Variants in SVEP1 observed in about 807,000 individuals in gnomAD.
The protein encoded by SVEP1 is sushi, von Willebrand factor type A, EGF and pentraxin domain-containing protein 1.
In SVEP1, 164 loss-of-function variants were observed where a neutral mutation model predicts 367.3. That is an observed-to-expected ratio of 0.45 (90% CI 0.39 to 0.51). The LOEUF (loss-of-function observed/expected upper bound fraction) is 0.51, where lower values mean the gene tolerates loss of function less well. Among genes scored for constraint, SVEP1 ranks in the 20% least tolerant of loss-of-function variants. The pLI, the probability that SVEP1 is intolerant of heterozygous loss-of-function variation, is 0.00. For synonymous variants in SVEP1, 1,666 were observed against 1,611.6 expected (o/e 1.03, Z -0.81); for missense variants, 4,117 against 4,425.3 (o/e 0.93, Z 1.98).
rs866674190 is a variant in SVEP1 at position 110,496,850 on chromosome 9, G to T, written c.1765C>A (p.Gln589Lys). The change falls in exon 8 of 48, where the codon CAG becomes AAG. Residue 589 changes from glutamine (Q) to lysine (K), a missense_variant. Physicochemically the swap from Gln to Lys is moderately conservative, Grantham distance 53 (BLOSUM62 1). Transcript: ENST00000374469. ...GAGTTGTCTTTAGCTGTTGGAATCT[G>T]CCAGGTAACATTGGCAGAATCTTGC... ...EQQDSANVTW[Q>K]IPTAKDNSGE... The T allele has an allele frequency of 3.2e-6, 5 of 1,557,814 alleles. No homozygotes were observed. Among genetic ancestry groups the T allele is most frequent in the Non-Finnish European group, 4.4e-6 (5 of 1,149,368 alleles).
At chr9:110,552,627 C>T (rs1830304575) in intron 1 of SVEP1, among the ~76,000 whole-genome samples, 1 of 151,938 alleles carries the variant, frequency 6.6e-6, no homozygotes, top group African/African-American at 2.4e-5. Flanking sequence ...ACTTAGATCC[C>T]TCGCATACAG....
chr9:110,408,225 G>A lies in SVEP1; in HGVS notation c.7375C>T (p.Leu2459Phe), dbSNP rs1234882836. 6.2e-7 allele frequency: 1 copy of A among 1,614,028 alleles called. No individual in the cohort carries two copies. The highest frequency in any genetic ancestry group is 8.5e-7 in the Non-Finnish European group (1 of 1,179,898). Residue 2459 changes from leucine (L) to phenylalanine (F), a missense_variant, in exon 38 of 48, where the codon CTC becomes TTC. Physicochemically the swap from Leu to Phe is conservative, Grantham distance 22 (BLOSUM62 0). This residue lies in a region of SVEP1 where 1,765 missense variants were observed against 1,781.1 expected (regional missense o/e 0.99). Transcript: ENST00000374469. ...TTGCAGGTATAGAGAGCTGTGCTGA[G>A]ATAGGCAAGGCCTTGCACATCAATG... ...GIIDVQGLAY[L>F]STALYTCKPG... is the part of the protein sequence containing the mutation.
At chr9:110,392,831 G>T (rs577321867) in intron 40 of SVEP1, among the ~76,000 whole-genome samples, 101 of 152,208 alleles carry the variant, frequency 6.6e-4, no homozygotes, top group Admixed American at 1.4e-3. Context: ...ATGCTAAAAT[G>T]GTCTCATCTT....
At chr9:110,477,648 A>G (rs970782345) in intron 13 of SVEP1, among the ~76,000 whole-genome samples, 1 of 152,028 alleles carries the variant, frequency 6.6e-6, no homozygotes, top group African/African-American at 2.4e-5. Flanking sequence ...TTCCATCCCC[A>G]TGAGTACCCA....
intron 26 of SVEP1, among the ~76,000 whole-genome samples, chr9:110,445,312 T>C (rs957833850): frequency 6.6e-6 from 1 of 152,184 alleles, no homozygotes; most frequent in African/African-American, 2.4e-5. Context: ...GATGGGGCCC[T>C]GGAGTTGGAA....
At chr9:110,375,786 A>ATTTATTATAGTTTCAAATTTCC in intron 45 of SVEP1, among the ~76,000 whole-genome samples, 1 of 148,738 alleles carries the variant, frequency 6.7e-6, no homozygotes, top group Non-Finnish European at 1.5e-5. Context: ...AACGGTCTCC[A>ATTTATTATAGTTTCAAATTTCC]TTTATTATAG....
intron 3 of SVEP1, among the ~76,000 whole-genome samples, chr9:110,519,001 C>A (rs191277543): frequency 2.0e-5 from 3 of 152,210 alleles, no homozygotes; most frequent in Non-Finnish European, 4.4e-5. Flanking sequence ...CTGCAATGAA[C>A]CAGCATATCA....
chr9:110,490,277 A>T (rs1829347878), intron 8 of SVEP1, among the ~76,000 whole-genome samples: 3 of 152,194 alleles, frequency 2.0e-5, no homozygotes. Context: ...TAAAGATCAA[A>T]TCAGTGCACT....
intron 14 of SVEP1, among the ~76,000 whole-genome samples, chr9:110,473,239 G>A (rs1829047611): frequency 6.6e-6 from 1 of 151,720 alleles, no homozygotes; most frequent in Non-Finnish European, 1.5e-5. Context: ...AAATTAACTG[G>A]GATTAATATC....
intron 13 of SVEP1, among the ~76,000 whole-genome samples, chr9:110,476,647 A>G (rs987074172): frequency 4.6e-5 from 7 of 152,032 alleles, no homozygotes; most frequent in African/African-American, 1.2e-4. Context: ...CTCTTCCCCA[A>G]TCCCCCAAGC....
intron 39 of SVEP1, among the ~76,000 whole-genome samples, chr9:110,403,283 C>T (rs1229653318): frequency 1.4e-5 from 2 of 141,334 alleles, no homozygotes; most frequent in African/African-American, 5.6e-5. Context: ...ATGATTCCTT[C>T]CCCGCCACCG....
intron 19 of SVEP1, 93 bp downstream of exon 19, chr9:110,458,859 G>A (rs1003683870): frequency 2.8e-5 from 41 of 1,467,310 alleles, no homozygotes; most frequent in East Asian, 4.6e-5. Flanking sequence ...CAAATCCACC[G>A]AAAATAGTAA....
chr9:110,554,752 GTA>G (rs907280473), intron 1 of SVEP1, among the ~76,000 whole-genome samples: 1 of 151,356 alleles, frequency 6.6e-6, no homozygotes, highest in Non-Finnish European at 1.5e-5. Context: ...GTGTGTGTGT[GTA>G]TGTATGTATT....
At chr9:110,551,053 TA>T (rs1830279760) in intron 1 of SVEP1, among the ~76,000 whole-genome samples, 1 of 152,294 alleles carries the variant, frequency 6.6e-6, no homozygotes, top group South Asian at 2.1e-4. Context: ...AAATTCCTAT[TA>T]AAAAATAAAT....
intron 40 of SVEP1, among the ~76,000 whole-genome samples, chr9:110,392,536 A>G (rs537652726): frequency 2.0e-5 from 3 of 152,288 alleles, no homozygotes; most frequent in East Asian, 3.9e-4. Context: ...ATGGATGATC[A>G]TAACTTAAAT....
rs183418186 is a variant in SVEP1, at chr9:110,505,030, C to T, written c.1304-1813G>A. On this transcript the variant is annotated intron_variant, in intron 5 of 47. Transcript: ENST00000374469. ...AGTAGGAAGGATATTCACTAAACTG[C>T]GGATGCTGAAAACGCCCCCGTACCT... 6.6e-5 allele frequency among the ~76,000 whole-genome samples: 10 copies of T among 152,160 alleles called. No homozygotes were observed. In the East Asian group the frequency reaches 7.7e-4, roughly 12 times the overall value.
intron 3 of SVEP1, among the ~76,000 whole-genome samples, chr9:110,520,361 G>A (rs562599221): frequency 1.3e-5 from 2 of 152,222 alleles, no homozygotes; most frequent in Admixed American, 6.5e-5. Context: ...TCTCCGTAAA[G>A]GGCTATGAAT....
At chr9:110,554,055 C>A (rs981813402) in intron 1 of SVEP1, among the ~76,000 whole-genome samples, 5 of 152,176 alleles carry the variant, frequency 3.3e-5, no homozygotes, top group Admixed American at 2.0e-4. Flanking sequence ...AATTTTCCTG[C>A]AAATTATTTA....
intron 24 of SVEP1, among the ~76,000 whole-genome samples, chr9:110,447,691 A>C (rs1828624239): frequency 1.3e-5 from 2 of 152,238 alleles, no homozygotes; most frequent in Non-Finnish European, 2.9e-5. Flanking sequence ...TGGCAATGTC[A>C]TGAGAAGTTG....
Sources: allele counts gnomAD v4.1 joint callset (sites outside exome capture counted in the v4.1 genomes callset), GRCh38; gene constraint gnomAD v4.1.1; regional missense constraint gnomAD v4.1.1; transcripts MANE v1.5; gene names NCBI Gene and HGNC (gene_info 2026-07-23, HGNC 2026-07-21).